ART5: variants seen among roughly 807,000 people sequenced by gnomAD.
ART5 encodes ecto-ADP-ribosyltransferase 5.
A neutral mutation model predicts 25.0 loss-of-function variants in ART5; 22 were observed. That is an observed-to-expected ratio of 0.88 (90% CI 0.63 to 1.26). ART5 has a LOEUF of 1.26. ART5 is among the 50% of genes most tolerant of loss of function. The probability of loss-of-function intolerance (pLI) is 0.00; values close to 1 mark genes in which losing one functional copy is unlikely to be tolerated. For missense variants in ART5, 402 were observed against 372.8 expected (o/e 1.08, Z -0.64); for synonymous variants, 161 against 154.8 (o/e 1.04, Z -0.30).
chr11:3,639,713 C>G lies in ART5; in HGVS notation c.716G>C (p.Gly239Ala), dbSNP rs143414771. 1 of 1,613,992 alleles carries G rather than the reference C, an allele frequency of 6.2e-7. No individual in the cohort carries two copies. Among genetic ancestry groups the G allele is most frequent in the Non-Finnish European group, 8.5e-7 (1 of 1,180,046 alleles). ...VFLVTRFSQD[G>A]AQSLVTLWSY... ...CCAGAGAGTCACCAAGCTCTGGGCT[C>G]CATCCTGAGAGAATCTGGTAACCAA... The change falls in exon 2 of 4, where the codon GGA becomes GCA. Residue 239 changes from glycine (G) to alanine (A), a missense_variant. Physicochemically the swap from Gly to Ala is moderately conservative, Grantham distance 60 (BLOSUM62 0). Coordinates refer to ENST00000397068, the MANE Select transcript of ART5 (RefSeq NM_053017.5).
chr11:3,640,355 A>ATGC lies in ART5; in HGVS notation c.73_74insGCA (p.Pro24_Ile25insSer), dbSNP rs1554961354. On this transcript the variant is annotated inframe_insertion, in exon 2 of 4. Transcript: ENST00000397068. ...GTCTGGAGCCAGGCCCAGGGGCAGG[A>ATGC]TGGGAACAGCCTGGGCCTGTGGAGC... is the stretch of plus-strand genomic sequence containing the variant. 1 of 1,606,604 alleles carries ATGC rather than the reference A, an allele frequency of 6.2e-7. No individual in the cohort carries two copies. Among genetic ancestry groups the ATGC allele is most frequent in the African/African-American group, 1.3e-5 (1 of 74,782 alleles).
Position 3,640,931 on chromosome 11 carries a change from C to T in ART5, c.58-560G>A, listed in dbSNP as rs374691450. On this transcript the variant is annotated intron_variant, in intron 1 of 3. Coordinates refer to ENST00000397068, the MANE Select transcript of ART5 (RefSeq NM_053017.5). ...TAATTTTTTGTATTTTTAGTAGAGA[C>T]AGGGTTTCACCATGTTGGTCAGGCT... Among the ~76,000 whole-genome samples, 7 of 152,190 alleles carry T rather than the reference C, an allele frequency of 4.6e-5. No homozygotes were observed. The East Asian group carries it at 1.2e-3, about 25-fold the overall frequency.
chr11:3,638,855 C>A, intron 3 of ART5, 62 bp from the exon 4 acceptor site: 19 of 1,614,052 alleles, frequency 1.2e-5, no homozygotes, highest in Non-Finnish European at 1.6e-5. Context: ...CTCCAGGGGC[C>A]AAGAGCAGAG....
In ART5 at chr11:3,640,103, T is replaced by C. The variant is rs1370344076; in HGVS notation, c.326A>G (p.Glu109Gly). ...YTNSSNTLYW[E>G]LNQAVRTGGG... ...GCCCGTCCGCACGGCCTGATTCAAC[T>C]CCCAGTACAAGGTGTTCGATGAGTT... Residue 109 changes from glutamate to glycine, a missense_variant, in exon 2 of 4, where the codon GAG becomes GGG. Coordinates refer to ENST00000397068, the MANE Select transcript of ART5 (RefSeq NM_053017.5). The C allele has an allele frequency of 6.2e-7, 1 of 1,614,074 alleles. No individual in the cohort carries two copies. Among genetic ancestry groups the C allele is most frequent in the Admixed American group, 1.7e-5 (1 of 60,002 alleles).
chr11:3,640,114 G>A lies in ART5; in HGVS notation c.315C>T (p.Thr105=), dbSNP rs2077373011. 2.5e-6 allele frequency: 4 copies of A among 1,614,102 alleles called. No homozygotes were observed. The highest frequency in any genetic ancestry group is 3.4e-6 in the Non-Finnish European group (4 of 1,180,064). Residue 105 remains threonine (T), a synonymous_variant, in exon 2 of 4, where the codon ACC becomes ACT. Transcript: ENST00000397068. The part of the protein sequence containing the change: ...AIMVYTNSSN[T]LYWELNQAVR... ...CGGCCTGATTCAACTCCCAGTACAA[G>A]GTGTTCGATGAGTTGGTGTAGACCA...
At chr11:3,642,219 G>T (rs1263688171), upstream of ART5, 6 of 1,150,872 alleles carry the variant, frequency 5.2e-6, no homozygotes, top group East Asian at 2.5e-4. Flanking sequence ...AGCGCCGAGG[G>T]CTCTGGCGGG....
At chr11:3,639,570 G>A in intron 2 of ART5, 72 bp downstream of exon 2, 15 of 1,521,284 alleles carry the variant, frequency 9.9e-6, no homozygotes, top group Non-Finnish European at 1.2e-5. Flanking sequence ...AGGCCCCGGG[G>A]ATTATTGTGT....
chr11:3,638,790 G>A lies in ART5; in HGVS notation c.824C>T (p.Ala275Val), dbSNP rs956900968. ...KRRGCVSAPG[A>V]LGTGDLHMTK... The stretch of plus-strand genomic sequence containing the variant: ...CATATGAAGGTCACCCGTTCCCAGG[G>A]CTCCTAAGTGGCAGATGTTGGACTT... Residue 275 changes from alanine to valine, a missense_variant, in exon 4 of 4, where the codon GCC (alanine) becomes GTC (valine). Ala to Val is a moderately conservative substitution (Grantham distance 64). Coordinates refer to ENST00000397068, the MANE Select transcript of ART5 (RefSeq NM_053017.5). The A allele has an allele frequency of 1.2e-6, 2 of 1,614,060 alleles. No homozygotes were observed. The highest frequency in any genetic ancestry group is 1.7e-6 in the Non-Finnish European group (2 of 1,180,032).
At position 3,640,327 on chromosome 11, in the gene ART5, G is replaced by T. The variant is rs1448747174; in HGVS notation, c.102C>A (p.Thr34=). Residue 34 remains threonine, a synonymous_variant, in exon 2 of 4, where the codon ACC becomes ACA. Coordinates refer to ENST00000397068, the MANE Select transcript of ART5 (RefSeq NM_053017.5). ...CACAACCCACATAGGTATCGTCAAA[G>T]GTGTCTGGAGCCAGGCCCAGGGGCA... ...PILPLGLAPD[T]FDDTYVGCAE... is the part of the protein sequence containing the mutation. The T allele has an allele frequency of 1.3e-6, 2 of 1,599,406 alleles. No individual in the cohort carries two copies. Among genetic ancestry groups the T allele is most frequent in the African/African-American group, 2.8e-5 (2 of 70,638 alleles).
chr11:3,642,127 G>A, upstream of ART5: 1 of 1,324,832 alleles, frequency 7.5e-7, no homozygotes, highest in Non-Finnish European at 9.6e-7. Context: ...TAAAGGCGGG[G>A]CCGCAGTTTG....
Position 3,638,878 on chromosome 11 carries a change from G to A in ART5, c.821-85C>T, listed in dbSNP as rs189148602. 64 of 1,612,486 alleles carry A rather than the reference G, an allele frequency of 4.0e-5. No homozygotes were observed. The East Asian group carries it at 1.0e-3, about 26-fold the overall frequency. On this transcript the variant is annotated intron_variant, in intron 3 of 3. Transcript: ENST00000397068. ...GCCAAGAGCAGAGTCTTCCAGGGGG[G>A]CAGAGAGGAGGCCCCCTCAGATTGT...
chr11:3,642,322 T>C (rs7924355), upstream of ART5: 10,335 of 997,588 alleles, frequency 0.01, 796 homozygotes, highest in African/African-American at 0.16. Flanking sequence ...CCGACACCCC[T>C]TTCCCAGCGC....
At chr11:3,639,111 A>G in intron 2 of ART5, 76 bp from the exon 3 acceptor site, 1 of 1,487,850 alleles carries the variant, frequency 6.7e-7, no homozygotes, top group Admixed American at 2.0e-5. Context: ...AGGCCCTGGC[A>G]GGGCCATTTC....
intron 1 of ART5, among the ~76,000 whole-genome samples, chr11:3,640,658 C>T (rs1482381590): frequency 6.6e-6 from 1 of 150,856 alleles, no homozygotes; most frequent in African/African-American, 2.4e-5. Context: ...CAAGCGCCAC[C>T]TCCCAGGTTG....
intron 1 of ART5, 116 bp from the exon 2 acceptor site, chr11:3,640,487 A>C (rs1020665375): frequency 3.6e-5 from 48 of 1,325,732 alleles, no homozygotes; most frequent in Non-Finnish European, 4.5e-5. Context: ...CCTAAATATC[A>C]GGTATATGCA....
upstream of ART5, chr11:3,642,337 C>A (rs1348384339): frequency 2.0e-6 from 2 of 983,422 alleles, no homozygotes; most frequent in South Asian, 4.6e-5. Flanking sequence ...CAGCGCCGCA[C>A]GCGGGGCCGG....
intron 2 of ART5, 129 bp from the exon 3 acceptor site, chr11:3,639,164 G>T: frequency 9.4e-7 from 1 of 1,065,680 alleles, no homozygotes; most frequent in Non-Finnish European, 1.4e-6. Flanking sequence ...GGAAACTTCT[G>T]ATTTCCCTTC....
At chr11:3,639,091 C>T in intron 2 of ART5, 56 bp from the exon 3 acceptor site, 2 of 1,544,194 alleles carry the variant, frequency 1.3e-6, no homozygotes, top group Non-Finnish European at 8.7e-7. Flanking sequence ...CCCAAACTGC[C>T]TGGCCCACCA....
chr11:3,638,548 C>T lies in ART5; in HGVS notation c.*190G>A. 1.5e-6 allele frequency: 1 copy of T among 660,048 alleles called. No homozygotes were observed. Among genetic ancestry groups the T allele is most frequent in the Non-Finnish European group, 2.7e-6 (1 of 377,102 alleles). The allele number at this position is 660,048 out of a possible 1,614,324, so 40.9% of individuals were successfully genotyped here. A position where few individuals can be genotyped will look rare whatever the true frequency, so the allele number is the denominator to read the frequency against. On this transcript the variant is annotated 3_prime_UTR_variant, in exon 4 of 4. Transcript: ENST00000397068. ...ATACCATTTAATCACGTAGCTACCTCAATAAAACTCCATGTCTCCACATTG... is the reference window on the plus strand; with the variant it reads ...ATACCATTTAATCACGTAGCTACCTTAATAAAACTCCATGTCTCCACATTG...
Sources: allele counts gnomAD v4.1 joint callset (sites outside exome capture counted in the v4.1 genomes callset), GRCh38; gene constraint gnomAD v4.1.1; transcripts MANE v1.5; gene names NCBI Gene and HGNC (gene_info 2026-07-23, HGNC 2026-07-21).